The following TRHDE variants were observed in gnomAD, a reference collection of about 807,000 sequenced individuals.
TRHDE encodes the protein thyrotropin releasing hormone degrading enzyme.
Under a neutral mutation model 125.7 loss-of-function variants are expected in TRHDE, and 72 were observed. That is an observed-to-expected ratio of 0.57 (90% CI 0.47 to 0.70). The LOEUF is 0.70. TRHDE is among the 30% of genes least tolerant of loss of function. TRHDE has a pLI of 0.00. For synonymous variants in TRHDE, 509 were observed against 509.1 expected (o/e 1.00, Z 0.00); for missense variants, 1,110 against 1,327.1 (o/e 0.84, Z 2.54).
chr12:72,551,046 T>C (rs1250123533), intron 7 of TRHDE, among the ~76,000 whole-genome samples: 1 of 152,062 alleles, frequency 6.6e-6, no homozygotes, highest in African/African-American at 2.4e-5. Flanking sequence ...ATTGAGGTCT[T>C]ATTCTCTTTT....
rs148967516 is a variant in TRHDE at position 72,243,304 on chromosome 12, A to G, written n.280-134691A>G. The stretch of plus-strand genomic sequence containing the variant: ...AGTATGCTTTTTTTCTACATTTTGT[A>G]CAAGTTTCTTGTTTTTAAATCTGAA... On this transcript the variant is annotated intron_variant and non_coding_transcript_variant, in intron 2 of 4. Transcript: ENST00000548156. Among the ~76,000 whole-genome samples, 637 of 152,298 alleles carry G rather than the reference A, an allele frequency of 4.2e-3. 4 individuals are homozygous for G. The highest frequency in any genetic ancestry group is 0.014 in the African/African-American group (591 of 41,566).
chr12:72,327,569 T>C (rs747190082), intron 2 of TRHDE, among the ~76,000 whole-genome samples: 3 of 152,188 alleles, frequency 2.0e-5, no homozygotes, highest in Non-Finnish European at 4.4e-5. Flanking sequence ...ACTATATTTA[T>C]AGTAACATTA....
intron 12 of TRHDE, among the ~76,000 whole-genome samples, chr12:72,601,895 G>T (rs572109824): frequency 6.6e-6 from 1 of 151,960 alleles, no homozygotes; most frequent in Non-Finnish European, 1.5e-5. Context: ...GCTTTATTGC[G>T]GTATTCTGAA....
chr12:72,466,438 T>C (rs1306019117), intron 3 of TRHDE, among the ~76,000 whole-genome samples: 4 of 152,198 alleles, frequency 2.6e-5, no homozygotes, highest in Admixed American at 6.5e-5. Context: ...AGTCACATGT[T>C]GCTACAAGTA....
intron 1 of TRHDE, among the ~76,000 whole-genome samples, chr12:72,104,520 T>C (rs1181517259): frequency 3.3e-5 from 5 of 152,196 alleles, no homozygotes; most frequent in African/African-American, 1.2e-4. Context: ...TGATTACAGT[T>C]TTATTTGCTG....
At chr12:72,600,532 G>T (rs1411235130) in intron 12 of TRHDE, among the ~76,000 whole-genome samples, 1 of 151,918 alleles carries the variant, frequency 6.6e-6, no homozygotes, top group Non-Finnish European at 1.5e-5. Context: ...TTGCATTCTT[G>T]ATTTGGCTCT....
At chr12:72,627,921 A>G (rs959263905) in intron 15 of TRHDE, among the ~76,000 whole-genome samples, 1 of 151,510 alleles carries the variant, frequency 6.6e-6, no homozygotes, top group Non-Finnish European at 1.5e-5. Context: ...GGTCTCAAGC[A>G]ATCCTCCTGC....
chr12:72,115,117 A>G (rs776180808), intron 2 of TRHDE, among the ~76,000 whole-genome samples: 16 of 152,030 alleles, frequency 1.1e-4, no homozygotes, highest in Non-Finnish European at 2.1e-4. Flanking sequence ...AAGTTATTTT[A>G]AAATGTACAG....
At chr12:72,509,827 T>G (rs1418759127) in intron 6 of TRHDE, among the ~76,000 whole-genome samples, 3 of 152,206 alleles carry the variant, frequency 2.0e-5, no homozygotes, top group Non-Finnish European at 4.4e-5. Flanking sequence ...AAGTATTTGT[T>G]GAGTTAAATT....
chr12:72,559,337 T>G (rs1336448001), intron 7 of TRHDE, among the ~76,000 whole-genome samples: 1 of 152,214 alleles, frequency 6.6e-6, no homozygotes, highest in Non-Finnish European at 1.5e-5. Flanking sequence ...GTTATATATG[T>G]GAAGATAGGC....
intron 2 of TRHDE, among the ~76,000 whole-genome samples, chr12:72,351,850 C>G (rs190357415): frequency 3.8e-4 from 57 of 151,990 alleles, no homozygotes; most frequent in Admixed American, 1.1e-3. Context: ...CTTCTTTATT[C>G]TCTTCATCCT....
chr12:72,258,947 G>C (rs976544677), intron 2 of TRHDE, among the ~76,000 whole-genome samples: 1 of 152,070 alleles, frequency 6.6e-6, no homozygotes, highest in African/African-American at 2.4e-5. Context: ...TCCAATTACT[G>C]GGAGTGTTAA....
At chr12:72,425,871 A>G (rs954223508) in intron 3 of TRHDE, among the ~76,000 whole-genome samples, 1 of 152,104 alleles carries the variant, frequency 6.6e-6, no homozygotes, top group Non-Finnish European at 1.5e-5. Flanking sequence ...AACAACAAGA[A>G]TAAATTTTCA....
rs1426925333 is a variant in TRHDE, at chr12:72,665,969, GTATTTTAGTTGGGTCATAAACTTGCAT to G, written c.*2782_*2808del. On this transcript the variant is annotated 3_prime_UTR_variant, in exon 19 of 19. Coordinates refer to ENST00000261180, the MANE Select transcript of TRHDE (RefSeq NM_013381.3). ...GTCTATTCTTGAGTTTCAATAACATGTATTTTAGTTGGGTCATAAACTTGCATTATTTTATATTATCTCCAGGACAAT... is the reference window on the plus strand; with the variant it reads ...GTCTATTCTTGAGTTTCAATAACATGTATTTTATATTATCTCCAGGACAAT... 1 of 151,894 alleles carries G rather than the reference GTATTTTAGTTGGGTCATAAACTTGCAT, an allele frequency of 6.6e-6. No homozygotes were observed. The allele number at this position is 151,894 out of a possible 1,614,324, so 9.4% of individuals were successfully genotyped here.
At position 72,669,032 on chromosome 12, in the gene TRHDE, A is replaced by G. The variant is rs538250772; in HGVS notation, c.*5837A>G. Reference sequence around the variant, plus strand: ...AAGTTGCTTTATACGTTCCATAAAAAGTTTTCATGAAAACATTTTACATTA... The same window carrying G: ...AAGTTGCTTTATACGTTCCATAAAAGGTTTTCATGAAAACATTTTACATTA... On this transcript the variant is annotated 3_prime_UTR_variant, in exon 19 of 19. Coordinates refer to ENST00000261180, the MANE Select transcript of TRHDE (RefSeq NM_013381.3). 1 of 151,868 alleles carries G rather than the reference A, an allele frequency of 6.6e-6. No homozygotes were observed. The highest frequency in any genetic ancestry group is 2.4e-5 in the African/African-American group (1 of 41,510). 9.4% of individuals were successfully genotyped at this position (151,868 alleles called of 1,614,324 possible).
intron 15 of TRHDE, among the ~76,000 whole-genome samples, chr12:72,640,074 T>A (rs1299577913): frequency 6.6e-6 from 1 of 152,202 alleles, no homozygotes; most frequent in Non-Finnish European, 1.5e-5. Flanking sequence ...TAAGCAAGCC[T>A]GGGCAATGGT....
At chr12:72,281,448 C>T (rs1435202380) in intron 1 of TRHDE, among the ~76,000 whole-genome samples, 1 of 152,150 alleles carries the variant, frequency 6.6e-6, no homozygotes, top group African/African-American at 2.4e-5. Flanking sequence ...CTAGATGTTC[C>T]ATTGAAACTT....
chr12:72,418,805 G>A (rs112430703), intron 3 of TRHDE, among the ~76,000 whole-genome samples: 16 of 152,232 alleles, frequency 1.1e-4, no homozygotes, highest in African/African-American at 3.6e-4. Flanking sequence ...CATGTGCTGA[G>A]TCAGAGATCA....
At chr12:72,621,500 C>G (rs1467442572) in intron 14 of TRHDE, 144 bp from the exon 15 acceptor site, 3 of 640,494 alleles carry the variant, frequency 4.7e-6, no homozygotes, top group Non-Finnish European at 5.3e-6. Context: ...TTAACTTCCA[C>G]TCTGCCTAAG....
Sources: gnomAD v4.1 joint callset for allele counts (sites outside exome capture counted in the v4.1 genomes callset) on GRCh38, gnomAD v4.1.1 for gene constraint, MANE v1.5 for transcripts, NCBI Gene and HGNC (gene_info 2026-07-23, HGNC 2026-07-21) for gene names.